NPAS3: variants seen among roughly 807,000 people sequenced by gnomAD.
NPAS3 encodes neuronal PAS domain protein 3.
In NPAS3, 14 loss-of-function variants were observed where a neutral mutation model predicts 73.1. The observed-to-expected ratio is 0.19, with a 90% CI of 0.13 to 0.30. The LOEUF (loss-of-function observed/expected upper bound fraction) is 0.30, where lower values mean the gene tolerates loss of function less well. Among genes scored for constraint, NPAS3 ranks in the 10% least tolerant of loss-of-function variants. The probability of loss-of-function intolerance (pLI) is 1.00; values close to 1 mark genes in which losing one functional copy is unlikely to be tolerated. For synonymous variants in NPAS3, 620 were observed against 541.5 expected (o/e 1.14, Z -2.01); for missense variants, 1,096 against 1,250.0 (o/e 0.88, Z 1.86).
At chr14:33,780,028 G>A (rs1296004214) in intron 9 of NPAS3, among the ~76,000 whole-genome samples, 2 of 152,198 alleles carry the variant, frequency 1.3e-5, no homozygotes, top group African/African-American at 4.8e-5. Flanking sequence ...GAGATGTTGA[G>A]CTAGCCAGCA....
intron 4 of NPAS3, among the ~76,000 whole-genome samples, chr14:33,390,852 C>T (rs377638677): frequency 6.6e-6 from 1 of 151,860 alleles, no homozygotes; most frequent in Non-Finnish European, 1.5e-5. Flanking sequence ...ATGTTTCATT[C>T]CTGAACAGTC....
intron 3 of NPAS3, among the ~76,000 whole-genome samples, chr14:33,303,174 A>G (rs1212446236): frequency 1.3e-5 from 2 of 152,106 alleles, no homozygotes; most frequent in African/African-American, 2.4e-5. Flanking sequence ...GTGTGGTAAA[A>G]TTTAGAACCT....
intron 4 of NPAS3, among the ~76,000 whole-genome samples, chr14:33,509,811 G>A (rs2052952871): frequency 6.6e-6 from 1 of 152,018 alleles, no homozygotes; most frequent in Non-Finnish European, 1.5e-5. Flanking sequence ...AGTCCATAGA[G>A]CCTATATAGA....
At chr14:33,352,142 T>C (rs1447106256) in intron 3 of NPAS3, among the ~76,000 whole-genome samples, 1 of 152,200 alleles carries the variant, frequency 6.6e-6, no homozygotes, top group Non-Finnish European at 1.5e-5. Flanking sequence ...CAAATACCTC[T>C]TATGGGTCGG....
At chr14:33,675,627 G>GATTACAGAGCTAATGAGTAATTTT (rs1425358699) in intron 5 of NPAS3, among the ~76,000 whole-genome samples, 4 of 152,138 alleles carry the variant, frequency 2.6e-5, no homozygotes, top group Non-Finnish European at 5.9e-5. Context: ...TCCCTCATAC[G>GATTACAGAGCTAATGAGTAATTTT]ATTACAGAGC....
At chr14:33,007,230 C>T (rs190054181) in intron 1 of NPAS3, among the ~76,000 whole-genome samples, 103 of 152,266 alleles carry the variant, frequency 6.8e-4, no homozygotes, top group African/African-American at 2.2e-3. Flanking sequence ...TAGCGCCCGG[C>T]GCAAGCATCC....
At chr14:32,999,307 T>G (rs747356780) in intron 1 of NPAS3, among the ~76,000 whole-genome samples, 59 of 152,190 alleles carry the variant, frequency 3.9e-4, no homozygotes, top group African/African-American at 1.2e-3. Flanking sequence ...GTCAGGAGAT[T>G]GAGACCATCC....
intron 3 of NPAS3, among the ~76,000 whole-genome samples, chr14:33,330,019 G>T (rs1344537161): frequency 6.6e-6 from 1 of 151,972 alleles, no homozygotes; most frequent in Non-Finnish European, 1.5e-5. Flanking sequence ...GCCAAGGTAG[G>T]CAGATCACTT....
intron 5 of NPAS3, among the ~76,000 whole-genome samples, chr14:33,672,924 A>T (rs991560338): frequency 6.6e-6 from 1 of 152,246 alleles, no homozygotes; most frequent in African/African-American, 2.4e-5. Context: ...AAATGAAGTC[A>T]AAGCAGTATG....
At chr14:33,363,929 T>TGTGTGC (rs2045718823) in intron 3 of NPAS3, among the ~76,000 whole-genome samples, 1 of 151,462 alleles carries the variant, frequency 6.6e-6, no homozygotes, top group Non-Finnish European at 1.5e-5. Flanking sequence ...CCTCTGTGTG[T>TGTGTGC]GTGTGTGTGT....
At chr14:33,460,264 G>A (rs1255783524) in intron 4 of NPAS3, among the ~76,000 whole-genome samples, 1 of 152,210 alleles carries the variant, frequency 6.6e-6, no homozygotes, top group African/African-American at 2.4e-5. Context: ...ACAACCTGGA[G>A]ATCTCTGGAT....
chr14:33,720,156 C>T (rs1226688397), intron 6 of NPAS3, among the ~76,000 whole-genome samples: 2 of 152,138 alleles, frequency 1.3e-5, no homozygotes, highest in Non-Finnish European at 2.9e-5. Context: ...AGTGATTCTT[C>T]TCTAGAGCCT....
intron 2 of NPAS3, among the ~76,000 whole-genome samples, chr14:33,167,126 G>A (rs537959366): frequency 6.6e-6 from 1 of 152,240 alleles, no homozygotes; most frequent in South Asian, 2.1e-4. Context: ...ATCTACACAG[G>A]AGGTAGAATT....
intron 4 of NPAS3, among the ~76,000 whole-genome samples, chr14:33,497,848 G>T (rs1022446763): frequency 1.3e-5 from 2 of 149,178 alleles, no homozygotes; most frequent in African/African-American, 4.9e-5. Context: ...TGACAAATGG[G>T]ATCTAATTAA....
intron 7 of NPAS3, among the ~76,000 whole-genome samples, chr14:33,748,879 G>A (rs1028057335): frequency 6.6e-6 from 1 of 152,158 alleles, no homozygotes; most frequent in Admixed American, 6.6e-5. Context: ...TGGGAAGAGG[G>A]GAATTAAAGT....
At chr14:33,803,888 T>C (rs574783645), downstream of NPAS3, 3 of 152,264 alleles carry the variant, frequency 2.0e-5, no homozygotes, top group East Asian at 5.8e-4. Flanking sequence ...ACGATATATA[T>C]ATAAAAAAAT....
intron 5 of NPAS3, among the ~76,000 whole-genome samples, chr14:33,646,945 T>G (rs2058846295): frequency 6.6e-6 from 1 of 152,184 alleles, no homozygotes; most frequent in Non-Finnish European, 1.5e-5. Context: ...TTCATGTGCC[T>G]ACATTGTGGT....
intron 3 of NPAS3, among the ~76,000 whole-genome samples, chr14:33,239,874 A>G (rs2048161353): frequency 6.7e-6 from 1 of 149,748 alleles, no homozygotes; most frequent in Non-Finnish European, 1.5e-5. Flanking sequence ...TTTTTTTTTC[A>G]TAATTGAGTT....
chr14:33,790,037 G>A (rs1048280286), intron 9 of NPAS3, among the ~76,000 whole-genome samples: 1 of 152,192 alleles, frequency 6.6e-6, no homozygotes, highest in African/African-American at 2.4e-5. Flanking sequence ...CAGGTTACAT[G>A]TTAGAGGTAC....
Sources: gnomAD v4.1 joint callset for allele counts (sites outside exome capture counted in the v4.1 genomes callset) on GRCh38, gnomAD v4.1.1 for gene constraint, MANE v1.5 for transcripts, NCBI Gene and HGNC (gene_info 2026-07-23, HGNC 2026-07-21) for gene names.